The following LEF1 variants were observed in gnomAD, a reference collection of about 807,000 sequenced individuals.
The protein encoded by LEF1 is lymphoid enhancer-binding factor 1.
LEF1 carries 14 observed loss-of-function variants against 51.2 expected under a neutral mutation model. The ratio of observed to expected loss-of-function variants is 0.27; its 90% CI spans 0.18 to 0.43. The LOEUF (loss-of-function observed/expected upper bound fraction) is 0.43. Ranked by LOEUF, LEF1 falls within the 20% of genes least tolerant of loss-of-function variation. LEF1 has a pLI of 1.00. For synonymous variants in LEF1, 185 were observed against 183.2 expected (o/e 1.01, Z -0.08); for missense variants, 386 against 512.0 (o/e 0.75, Z 2.37).
chr4:108,110,235 G>T (rs1262295462), intron 3 of LEF1, among the ~76,000 whole-genome samples: 1 of 152,100 alleles, frequency 6.6e-6, no homozygotes, highest in Non-Finnish European at 1.5e-5. Context: ...AGCAGCAGGG[G>T]TCACTAAGTA....
chr4:108,059,359 C>A (rs62313565), intron 11 of LEF1, among the ~76,000 whole-genome samples: 2 of 152,304 alleles, frequency 1.3e-5, no homozygotes, highest in Non-Finnish European at 2.9e-5. Flanking sequence ...ACTTCATCAC[C>A]TAGGTTGGAG....
intron 3 of LEF1, among the ~76,000 whole-genome samples, chr4:108,114,078 C>G (rs1464393701): frequency 6.6e-6 from 1 of 151,994 alleles, no homozygotes; most frequent in Non-Finnish European, 1.5e-5. Flanking sequence ...TAACATTTAT[C>G]AAAAGCTATT....
intron 3 of LEF1, among the ~76,000 whole-genome samples, chr4:108,149,076 T>C (rs1744169786): frequency 6.6e-6 from 1 of 152,234 alleles, no homozygotes; most frequent in African/African-American, 2.4e-5. Context: ...TGAACCATTA[T>C]TTCATGAATA....
intron 3 of LEF1, among the ~76,000 whole-genome samples, chr4:108,133,074 A>T (rs1743004666): frequency 6.6e-6 from 1 of 152,038 alleles, no homozygotes; most frequent in Non-Finnish European, 1.5e-5. Context: ...CCCAGGTTCA[A>T]GCGCTTCTCC....
chr4:108,123,406 G>A (rs1377426238), intron 3 of LEF1, among the ~76,000 whole-genome samples: 1 of 143,942 alleles, frequency 6.9e-6, no homozygotes, highest in East Asian at 2.0e-4. Flanking sequence ...TATAGCCTTT[G>A]GGACCCCAGC....
At chr4:108,080,211 A>C (rs1434382439) in intron 6 of LEF1, among the ~76,000 whole-genome samples, 1 of 152,224 alleles carries the variant, frequency 6.6e-6, no homozygotes, top group Non-Finnish European at 1.5e-5. Context: ...TAAAAACTAC[A>C]CTTGCCAAAG....
chr4:108,141,229 T>C (rs911564161), intron 3 of LEF1, among the ~76,000 whole-genome samples: 2 of 152,234 alleles, frequency 1.3e-5, no homozygotes, highest in Non-Finnish European at 2.9e-5. Flanking sequence ...TTAGTCTCTG[T>C]ACATACAAAT....
At chr4:108,056,522 G>A (rs919175602) in intron 11 of LEF1, among the ~76,000 whole-genome samples, 4 of 152,182 alleles carry the variant, frequency 2.6e-5, no homozygotes, top group African/African-American at 9.6e-5. Context: ...TGCAGTCCAC[G>A]CATAACTGAG....
chr4:108,104,628 G>GTA (rs1741038642), intron 3 of LEF1: 1 of 936,090 alleles, frequency 1.1e-6, no homozygotes, highest in African/African-American at 1.8e-5. Flanking sequence ...ACGACATATT[G>GTA]TATATGTTTA....
chr4:108,101,582 T>C lies in LEF1; in HGVS notation c.415-12325A>G, dbSNP rs138712738. Among the ~76,000 whole-genome samples the C allele has an allele frequency of 6.4e-3, 975 of 152,190 alleles. 11 individuals are homozygous for C. The highest frequency in any genetic ancestry group is 0.022 in the African/African-American group (893 of 41,504). On this transcript the variant is annotated intron_variant, in intron 3 of 11. Transcript: ENST00000265165. ...ATGTAGCAAGAATGGTAAACAGAAGTGAGAGGAGTGGGTAGGCAAGTTCCT... is the reference window on the plus strand; with the variant it reads ...ATGTAGCAAGAATGGTAAACAGAAGCGAGAGGAGTGGGTAGGCAAGTTCCT...
In LEF1 at chr4:108,079,397, A is replaced by G. The variant is rs779381931; in HGVS notation, c.845+95T>C. ...GAGGTGCATTGAGTTTCACAGCAACACAAAGGGGTGAAGGATCACTGTTGC... is the reference window on the plus strand; with the variant it reads ...GAGGTGCATTGAGTTTCACAGCAACGCAAAGGGGTGAAGGATCACTGTTGC... On this transcript the variant is annotated intron_variant, in intron 7 of 11. Coordinates refer to ENST00000265165, the MANE Select transcript of LEF1 (RefSeq NM_016269.5). 1.2e-4 allele frequency: 174 copies of G among 1,400,154 alleles called. No homozygotes were observed. The Middle Eastern group carries it at 1.4e-3, about 11-fold the overall frequency. 86.7% of individuals were successfully genotyped at this position (1,400,154 alleles called of 1,614,324 possible). A position where few individuals can be genotyped will look rare whatever the true frequency, so the allele number is the denominator to read the frequency against.
intron 3 of LEF1, among the ~76,000 whole-genome samples, chr4:108,099,072 A>G (rs1740577469): frequency 6.6e-6 from 1 of 152,198 alleles, no homozygotes; most frequent in Non-Finnish European, 1.5e-5. Flanking sequence ...GAATTCAAAT[A>G]CTGTGTGTGA....
intron 1 of LEF1, chr4:108,166,596 G>C: frequency 9.0e-7 from 1 of 1,107,400 alleles, no homozygotes; most frequent in Non-Finnish European, 1.1e-6. Flanking sequence ...CTCCAGCGCG[G>C]CCCTGCTCCG....
chr4:108,105,240 G>A (rs867057351), intron 3 of LEF1, among the ~76,000 whole-genome samples: 1 of 150,354 alleles, frequency 6.7e-6, no homozygotes, highest in Admixed American at 6.6e-5. Context: ...GAGTGCAGTG[G>A]CACAATCTTG....
At chr4:108,065,032 T>C (rs1437431194) in intron 9 of LEF1, among the ~76,000 whole-genome samples, 1 of 152,172 alleles carries the variant, frequency 6.6e-6, no homozygotes, top group Admixed American at 6.5e-5. Context: ...AAGACTTATT[T>C]CTAGCAATTA....
At position 108,047,889 on chromosome 4, in the gene LEF1, GA is replaced by G. The variant is rs1221968629; in HGVS notation, c.*868del. 2 of 152,522 alleles carry G rather than the reference GA, an allele frequency of 1.3e-5. No individual in the cohort carries two copies. Among genetic ancestry groups the G allele is most frequent in the African/African-American group, 2.4e-5 (1 of 41,414 alleles). 9.4% of individuals were successfully genotyped at this position (152,522 alleles called of 1,614,324 possible). On this transcript the variant is annotated 3_prime_UTR_variant, in exon 12 of 12. Coordinates refer to ENST00000265165, the MANE Select transcript of LEF1 (RefSeq NM_016269.5). ...TTTACTGTTTAAAAAAAGAAAAGAA[GA>G]AAACAGAAGAAAAAATAAACTGAAA...
At chr4:108,115,806 G>A (rs1046203276) in intron 3 of LEF1, among the ~76,000 whole-genome samples, 1 of 151,110 alleles carries the variant, frequency 6.6e-6, no homozygotes, top group Non-Finnish European at 1.5e-5. Flanking sequence ...AGGAAACTGA[G>A]GCCCAGAGAG....
intron 3 of LEF1, among the ~76,000 whole-genome samples, chr4:108,158,496 T>C (rs1385542596): frequency 2.6e-5 from 4 of 152,164 alleles, no homozygotes; most frequent in African/African-American, 9.7e-5. Flanking sequence ...TACTTTTACC[T>C]GGGAATAAAA....
chr4:108,080,680 G>A (rs1050244340), intron 6 of LEF1, among the ~76,000 whole-genome samples: 1 of 152,090 alleles, frequency 6.6e-6, no homozygotes. Context: ...TATGTTTTAA[G>A]GGGAAGGATA....
Sources: allele counts gnomAD v4.1 joint callset (sites outside exome capture counted in the v4.1 genomes callset), GRCh38; gene constraint gnomAD v4.1.1; transcripts MANE v1.5; gene names NCBI Gene and HGNC (gene_info 2026-07-23, HGNC 2026-07-21).